Variants in PDZD8 observed in about 807,000 individuals in gnomAD.
The protein encoded by PDZD8 is PDZ domain-containing protein 8.
Under a neutral mutation model 85.8 loss-of-function variants are expected in PDZD8, and 14 were observed. That is an observed-to-expected ratio of 0.16 (90% confidence interval 0.11 to 0.26). The LOEUF is 0.26. PDZD8 is among the 10% of genes least tolerant of loss of function. PDZD8 has a pLI of 1.00. For synonymous variants in PDZD8, 592 were observed against 568.6 expected, an observed-to-expected ratio of 1.04 and a Z score of -0.59; for missense variants, 1,197 against 1,424.3, an observed-to-expected ratio of 0.84 and a Z score of 2.57.
intron 1 of PDZD8, among the ~76,000 whole-genome samples, chr10:117,371,710 G>A (rs539108205): frequency 6.6e-6 from 1 of 152,252 alleles, no homozygotes; most frequent in Non-Finnish European, 1.5e-5. Flanking sequence ...TGAGGTGGGA[G>A]GATCACTTGA....
intron 2 of PDZD8, among the ~76,000 whole-genome samples, chr10:117,335,160 G>C (rs776135306): frequency 3.7e-4 from 57 of 152,276 alleles, no homozygotes; most frequent in South Asian, 2.5e-3. Context: ...TGTTACATAT[G>C]GGGGAAGAAT....
chr10:117,358,230 T>C (rs1156330601), intron 1 of PDZD8, among the ~76,000 whole-genome samples: 1 of 152,210 alleles, frequency 6.6e-6, no homozygotes, highest in Non-Finnish European at 1.5e-5. Flanking sequence ...GTTTAACCTT[T>C]TGAATCTGTA....
chr10:117,336,481 A>G (rs188609950), intron 2 of PDZD8, among the ~76,000 whole-genome samples: 3 of 152,344 alleles, frequency 2.0e-5, no homozygotes, highest in Admixed American at 6.5e-5. Context: ...ACTAAAATGA[A>G]CTAGGCAGCT....
At chr10:117,305,522 GGA>G (rs1329942323) in intron 3 of PDZD8, among the ~76,000 whole-genome samples, 5 of 121,524 alleles carry the variant, frequency 4.1e-5, no homozygotes, top group African/African-American at 6.6e-5. Flanking sequence ...ACACATATAT[GGA>G]GAGAGAGAGA....
chr10:117,321,565 G>A (rs1429274576), intron 2 of PDZD8, among the ~76,000 whole-genome samples: 1 of 152,078 alleles, frequency 6.6e-6, no homozygotes, highest in Non-Finnish European at 1.5e-5. Flanking sequence ...AAACTCTGAC[G>A]GTGGTTATAC....
Position 117,340,977 on chromosome 10 carries a change from T to C in PDZD8, c.995+3A>G, listed in dbSNP as rs1844601960. On this transcript the variant is annotated splice_donor_region_variant and intron_variant, in intron 2 of 4. Transcript: ENST00000334464. Reference sequence around the variant, plus strand: ...CTTAGTAATGACAAAACAAAGAACATACCTGCTACATTCTAACAACGTAAC... The same window carrying C: ...CTTAGTAATGACAAAACAAAGAACACACCTGCTACATTCTAACAACGTAAC... 19 of 1,613,798 alleles carry C rather than the reference T, an allele frequency of 1.2e-5. No individual in the cohort carries two copies. Among genetic ancestry groups the C allele is most frequent in the Non-Finnish European group, 1.5e-5 (18 of 1,179,868 alleles).
At chr10:117,319,688 A>C (rs1245547006) in intron 2 of PDZD8, among the ~76,000 whole-genome samples, 6 of 152,210 alleles carry the variant, frequency 3.9e-5, no homozygotes, top group Middle Eastern at 6.8e-3. Flanking sequence ...TAATATTTAG[A>C]TCTAAAAAAG....
chr10:117,307,740 G>C (rs985268144), intron 3 of PDZD8, among the ~76,000 whole-genome samples: 1 of 151,988 alleles, frequency 6.6e-6, no homozygotes, highest in Non-Finnish European at 1.5e-5. Context: ...CTCTACTCAT[G>C]TTCAATATTT....
intron 2 of PDZD8, among the ~76,000 whole-genome samples, chr10:117,338,557 T>C (rs1226690962): frequency 6.6e-6 from 1 of 152,240 alleles, no homozygotes; most frequent in Non-Finnish European, 1.5e-5. Context: ...TTATAGTGAA[T>C]AGCTGGGCTA....
intron 3 of PDZD8, among the ~76,000 whole-genome samples, chr10:117,302,342 G>C (rs1312181860): frequency 3.3e-5 from 5 of 152,180 alleles, no homozygotes; most frequent in Non-Finnish European, 7.3e-5. Context: ...CCAGCAAAGA[G>C]GATTCACAAT....
intron 1 of PDZD8, among the ~76,000 whole-genome samples, chr10:117,347,348 T>A (rs1422907174): frequency 6.6e-6 from 1 of 152,194 alleles, no homozygotes; most frequent in Non-Finnish European, 1.5e-5. Flanking sequence ...TTTCTATTGA[T>A]CCCAGGTTTT....
chr10:117,361,248 A>C (rs1844994058), intron 1 of PDZD8, among the ~76,000 whole-genome samples: 1 of 151,618 alleles, frequency 6.6e-6, no homozygotes, highest in Admixed American at 6.6e-5. Context: ...AGTCGGGGCA[A>C]TTTTTTTTTA....
At chr10:117,371,116 T>A (rs1845182215) in intron 1 of PDZD8, among the ~76,000 whole-genome samples, 1 of 152,232 alleles carries the variant, frequency 6.6e-6, no homozygotes, top group Admixed American at 6.5e-5. Flanking sequence ...ATATCTTAGA[T>A]GTATTGTAAT....
rs183204899 is a variant in PDZD8, at chr10:117,318,133, G to T, written c.1098+739C>A. 2.0e-5 allele frequency among the ~76,000 whole-genome samples: 3 copies of T among 152,280 alleles called. No individual in the cohort carries two copies. The East Asian group carries it at 5.8e-4, about 29-fold the overall frequency. On this transcript the variant is annotated intron_variant, in intron 3 of 4. Coordinates refer to ENST00000334464, the MANE Select transcript of PDZD8 (RefSeq NM_173791.5). The stretch of plus-strand genomic sequence containing the variant: ...TTTGACTGTTATCCTGTAGTACTGG[G>T]TACATGCTTCTACTAAAATAATTAT...
chr10:117,352,679 G>A (rs760281882), intron 1 of PDZD8, among the ~76,000 whole-genome samples: 3 of 152,140 alleles, frequency 2.0e-5, no homozygotes, highest in African/African-American at 2.4e-5. Flanking sequence ...TAATTCATAT[G>A]CCAGCATCTC....
intron 1 of PDZD8, among the ~76,000 whole-genome samples, chr10:117,362,824 T>C (rs1845020378): frequency 6.6e-6 from 1 of 152,070 alleles, no homozygotes; most frequent in Non-Finnish European, 1.5e-5. Flanking sequence ...TCAAAATATC[T>C]GAAGTAAATT....
At chr10:117,367,064 G>A (rs924990300) in intron 1 of PDZD8, among the ~76,000 whole-genome samples, 36 of 152,148 alleles carry the variant, frequency 2.4e-4, no homozygotes, top group Non-Finnish European at 2.8e-4. Context: ...CTATTTCCAG[G>A]AAGAAACTGT....
At position 117,375,381 on chromosome 10, in the gene PDZD8, C is replaced by G. The variant is rs183125037; in HGVS notation, c.-154G>C. On this transcript the variant is annotated 5_prime_UTR_variant, in exon 1 of 5. Coordinates refer to ENST00000334464, the MANE Select transcript of PDZD8 (RefSeq NM_173791.5). ...TCGTCCAGGGGCTCGGGCCGGCGCG[C>G]TGCGGCGCCCGAGCCCGCAGCGGCC... The G allele has an allele frequency of 0.21, 88,893 of 426,408 alleles. 11,163 individuals carry two copies. The highest frequency in any genetic ancestry group is 0.42 in the East Asian group (10,428 of 24,802). The allele number at this position is 426,408 out of a possible 1,614,324, so 26.4% of individuals were successfully genotyped here.
chr10:117,326,855 G>C (rs1844325485), intron 2 of PDZD8, among the ~76,000 whole-genome samples: 1 of 152,120 alleles, frequency 6.6e-6, no homozygotes, highest in African/African-American at 2.4e-5. Context: ...AATACATCTG[G>C]TATTAAAGAG....
Sources: allele counts gnomAD v4.1 joint callset (sites outside exome capture counted in the v4.1 genomes callset), GRCh38; gene constraint gnomAD v4.1.1; transcripts MANE v1.5; gene names NCBI Gene and HGNC (gene_info 2026-07-23, HGNC 2026-07-21).